Variants in NLGN1 observed in about 807,000 individuals in gnomAD.
NLGN1 encodes the protein neuroligin-1.
Under a neutral mutation model 65.5 loss-of-function variants are expected in NLGN1, and 12 were observed. The ratio of observed to expected loss-of-function variants is 0.18; its 90% CI spans 0.12 to 0.30. The LOEUF (loss-of-function observed/expected upper bound fraction) is 0.30. Ranked by LOEUF, NLGN1 falls within the 10% of genes least tolerant of loss-of-function variation. NLGN1 has a pLI of 1.00. For synonymous variants in NLGN1, 350 were observed against 359.5 expected, an observed-to-expected ratio of 0.97 and a Z score of 0.30; for missense variants, 750 against 1,007.1, an observed-to-expected ratio of 0.74 and a Z score of 3.46.
chr3:173,685,005 T>C (rs1764485164), intron 3 of NLGN1, among the ~76,000 whole-genome samples: 1 of 147,212 alleles, frequency 6.8e-6, no homozygotes, highest in South Asian at 2.2e-4. Context: ...TTTTAATGTG[T>C]GCCACCAGTT....
intron 3 of NLGN1, among the ~76,000 whole-genome samples, chr3:173,628,638 T>A (rs1755173147): frequency 6.6e-6 from 1 of 151,924 alleles, no homozygotes. Context: ...TGGGGTCTGA[T>A]GTAGCTTTAA....
intron 3 of NLGN1, among the ~76,000 whole-genome samples, chr3:173,659,692 C>A (rs1392406724): frequency 6.6e-6 from 1 of 151,700 alleles, no homozygotes; most frequent in Non-Finnish European, 1.5e-5. Context: ...TAGAGCACTG[C>A]TAGCTTCAAA....
chr3:174,277,275 C>T (rs1750755262), intron 5 of NLGN1, among the ~76,000 whole-genome samples: 1 of 151,944 alleles, frequency 6.6e-6, no homozygotes, highest in Middle Eastern at 3.4e-3. Flanking sequence ...GGCAATAAAT[C>T]CCACAATGCT....
chr3:173,709,363 G>A (rs1280265506), intron 3 of NLGN1, among the ~76,000 whole-genome samples: 1 of 152,150 alleles, frequency 6.6e-6, no homozygotes, highest in Non-Finnish European at 1.5e-5. Flanking sequence ...AGAAATACTT[G>A]CTCCTCTGAC....
chr3:174,057,540 A>G (rs1187148125), intron 4 of NLGN1: 1 of 152,110 alleles, frequency 6.6e-6, no homozygotes, highest in Non-Finnish European at 1.5e-5. Context: ...ACAGCCCTAC[A>G]TAAGATAAGT....
intron 3 of NLGN1, among the ~76,000 whole-genome samples, chr3:173,736,661 A>AT (rs1049986876): frequency 3.9e-4 from 59 of 151,980 alleles, no homozygotes; most frequent in African/African-American, 1.2e-3. Context: ...GATAAAAAAA[A>AT]AATAATTTTG....
intron 2 of NLGN1, among the ~76,000 whole-genome samples, chr3:173,447,617 G>A (rs1224915582): frequency 6.6e-6 from 1 of 152,150 alleles, no homozygotes; most frequent in East Asian, 1.9e-4. Flanking sequence ...GTAGCTTGAT[G>A]GGGATGGCAT....
At chr3:173,442,802 T>A (rs374357588) in intron 2 of NLGN1, among the ~76,000 whole-genome samples, 9 of 152,292 alleles carry the variant, frequency 5.9e-5, no homozygotes, top group African/African-American at 9.6e-5. Flanking sequence ...TTGACTGCTG[T>A]TAGTTGTAGT....
chr3:174,187,121 TGTA>T (rs1731545908), intron 4 of NLGN1, among the ~76,000 whole-genome samples: 1 of 152,054 alleles, frequency 6.6e-6, no homozygotes, highest in Non-Finnish European at 1.5e-5. Context: ...TTTTTATTGT[TGTA>T]TTATTATTTT....
chr3:174,269,161 T>TTTTA (rs1371785587), intron 4 of NLGN1, among the ~76,000 whole-genome samples: 1 of 151,878 alleles, frequency 6.6e-6, no homozygotes, highest in Non-Finnish European at 1.5e-5. Flanking sequence ...TGGAGAATTT[T>TTTTA]TTTATTATTA....
At chr3:173,744,709 C>T (rs553067739) in intron 3 of NLGN1, among the ~76,000 whole-genome samples, 1 of 152,210 alleles carries the variant, frequency 6.6e-6, no homozygotes, top group South Asian at 2.1e-4. Context: ...TTTTGTAAAT[C>T]ATTAAATTTT....
chr3:174,213,012 C>T (rs1261731199), intron 4 of NLGN1, among the ~76,000 whole-genome samples: 2 of 152,232 alleles, frequency 1.3e-5, no homozygotes, highest in Non-Finnish European at 2.9e-5. Context: ...ATCCAGGATA[C>T]TATCCTTATT....
chr3:174,134,537 T>C (rs1720849702), intron 4 of NLGN1, among the ~76,000 whole-genome samples: 1 of 152,148 alleles, frequency 6.6e-6, no homozygotes, highest in South Asian at 2.1e-4. Flanking sequence ...CCTTCCAGAC[T>C]TTATACTGAA....
intron 4 of NLGN1, among the ~76,000 whole-genome samples, chr3:173,868,229 A>G (rs1195905873): frequency 6.6e-6 from 1 of 152,182 alleles, no homozygotes; most frequent in African/African-American, 2.4e-5. Flanking sequence ...GAGTATGGGC[A>G]TGAGAGAAAG....
chr3:173,669,316 T>C (rs889911981), intron 3 of NLGN1, among the ~76,000 whole-genome samples: 1 of 152,186 alleles, frequency 6.6e-6, no homozygotes, highest in Non-Finnish European at 1.5e-5. Flanking sequence ...ACTGGGTGGC[T>C]TAGAACAACA....
At chr3:174,127,804 G>T (rs1014173982) in intron 4 of NLGN1, among the ~76,000 whole-genome samples, 2 of 152,100 alleles carry the variant, frequency 1.3e-5, no homozygotes, top group Admixed American at 6.6e-5. Context: ...TAGAATTTGG[G>T]TGCACACTGA....
downstream of NLGN1, among the ~76,000 whole-genome samples, chr3:174,289,490 A>T (rs900558226): frequency 6.6e-5 from 10 of 151,456 alleles, no homozygotes; most frequent in African/African-American, 9.6e-5. Context: ...TTTCCCATGT[A>T]AAACATTTGC....
intron 4 of NLGN1, among the ~76,000 whole-genome samples, chr3:174,212,126 C>T (rs1469190711): frequency 2.0e-5 from 3 of 152,190 alleles, no homozygotes; most frequent in Admixed American, 6.5e-5. Context: ...CGCGGGAGGG[C>T]AGCTAAGGCC....
At chr3:173,996,453 G>A (rs964854458) in intron 4 of NLGN1, among the ~76,000 whole-genome samples, 2 of 152,152 alleles carry the variant, frequency 1.3e-5, no homozygotes, top group African/African-American at 2.4e-5. Context: ...TTACGATTTG[G>A]TGCTGAGAAT....
Sources: allele counts gnomAD v4.1 joint callset (sites outside exome capture counted in the v4.1 genomes callset), GRCh38; gene constraint gnomAD v4.1.1; transcripts MANE v1.5; gene names NCBI Gene and HGNC (gene_info 2026-07-23, HGNC 2026-07-21).